The following ABHD17C variants were observed in gnomAD, a reference collection of about 807,000 sequenced individuals.
ABHD17C encodes the protein abhydrolase domain containing 17C, depalmitoylase, also known as alpha/beta hydrolase domain-containing protein 17C.
In ABHD17C, 11 loss-of-function variants were observed where a neutral mutation model predicts 27.9. That is an observed-to-expected ratio of 0.39 (90% confidence interval 0.25 to 0.65). The LOEUF (loss-of-function observed/expected upper bound fraction) is 0.65, where lower values mean the gene tolerates loss of function less well. Among genes scored for constraint, ABHD17C ranks in the 30% least tolerant of loss-of-function variants. The pLI, the probability that ABHD17C is intolerant of heterozygous loss-of-function variation, is 0.45. For missense variants in ABHD17C, 280 were observed against 470.2 expected (o/e 0.60, Z 3.74); for synonymous variants, 233 against 209.1 (o/e 1.11, Z -0.98).
At chr15:80,701,794 C>A (rs1328396392) in intron 1 of ABHD17C, among the ~76,000 whole-genome samples, 1 of 151,998 alleles carries the variant, frequency 6.6e-6, no homozygotes, top group Non-Finnish European at 1.5e-5. Context: ...AGTATGTGAA[C>A]AGGAAGAATG....
intron 1 of ABHD17C, among the ~76,000 whole-genome samples, chr15:80,730,405 C>T (rs1206050236): frequency 6.6e-6 from 1 of 152,148 alleles, no homozygotes; most frequent in African/African-American, 2.4e-5. Flanking sequence ...CACCAGGCTC[C>T]TTAGTGTGTA....
chr15:80,719,317 T>C (rs1020257009), intron 1 of ABHD17C, among the ~76,000 whole-genome samples: 1 of 152,214 alleles, frequency 6.6e-6, no homozygotes, highest in Non-Finnish European at 1.5e-5. Flanking sequence ...TTCCAGTGTT[T>C]TATAGTTATT....
chr15:80,712,984 G>A (rs1010338341), intron 1 of ABHD17C, among the ~76,000 whole-genome samples: 4 of 151,888 alleles, frequency 2.6e-5, no homozygotes, highest in Non-Finnish European at 4.4e-5. Context: ...ATTCCATGGC[G>A]GTCTCATCAC....
At chr15:80,709,844 T>G (rs1226737385) in intron 1 of ABHD17C, among the ~76,000 whole-genome samples, 6 of 152,184 alleles carry the variant, frequency 3.9e-5, no homozygotes, top group African/African-American at 1.4e-4. Context: ...CCTAATATCC[T>G]GTTGGATCTG....
At chr15:80,725,902 G>T (rs1894967171) in intron 1 of ABHD17C, among the ~76,000 whole-genome samples, 1 of 152,138 alleles carries the variant, frequency 6.6e-6, no homozygotes, top group South Asian at 2.1e-4. Context: ...TAACCCAGCG[G>T]CACTAGAGGA....
intron 2 of ABHD17C, among the ~76,000 whole-genome samples, chr15:80,750,688 C>T (rs765441368): frequency 1.1e-4 from 16 of 152,108 alleles, no homozygotes; most frequent in Non-Finnish European, 1.9e-4. Context: ...CAATGAGATT[C>T]GGCTTCATGG....
At chr15:80,709,965 A>C (rs1000034123) in intron 1 of ABHD17C, among the ~76,000 whole-genome samples, 5 of 152,156 alleles carry the variant, frequency 3.3e-5, no homozygotes, top group African/African-American at 1.2e-4. Flanking sequence ...CCCATGAAAA[A>C]CAGTAATCAT....
intron 1 of ABHD17C, among the ~76,000 whole-genome samples, chr15:80,711,681 G>T (rs1461444732): frequency 6.6e-6 from 1 of 152,208 alleles, no homozygotes; most frequent in African/African-American, 2.4e-5. Flanking sequence ...CCTCCTGCCT[G>T]TCTATTTTCC....
chr15:80,720,846 G>A (rs1426921527), intron 1 of ABHD17C, among the ~76,000 whole-genome samples: 4 of 151,950 alleles, frequency 2.6e-5, no homozygotes, highest in Admixed American at 1.3e-4. Context: ...ACTTGAACCC[G>A]GGAGGTGGAG....
At chr15:80,710,292 G>A (rs1271050944) in intron 1 of ABHD17C, among the ~76,000 whole-genome samples, 1 of 152,204 alleles carries the variant, frequency 6.6e-6, no homozygotes, top group Non-Finnish European at 1.5e-5. Flanking sequence ...AGTAGGAGAT[G>A]AGGACTGGGA....
intron 1 of ABHD17C, among the ~76,000 whole-genome samples, chr15:80,705,333 T>TTTGTGTGTGTGTGTG (rs10523879): frequency 5.1e-4 from 54 of 106,882 alleles, no homozygotes; most frequent in South Asian, 3.5e-3. Flanking sequence ...TTCCTATGAT[T>TTTGTGTGTGTGTGTG]TGTGTGTGTG....
chr15:80,710,379 G>A (rs1178651579), intron 1 of ABHD17C, among the ~76,000 whole-genome samples: 2 of 152,204 alleles, frequency 1.3e-5, no homozygotes, highest in African/African-American at 4.8e-5. Flanking sequence ...TTGACAGCAG[G>A]AAATGGGAGC....
rs1332972496 is a variant in ABHD17C, at chr15:80,695,911, G to A, written c.482G>A (p.Cys161Tyr). The change falls in exon 1 of 3, where the codon TGC (cysteine) becomes TAC (tyrosine). Residue 161 changes from cysteine (C) to tyrosine (Y), a missense_variant. Cys to Tyr is a radical substitution (Grantham distance 194). Coordinates refer to ENST00000258884, the MANE Select transcript of ABHD17C (RefSeq NM_021214.2). This position sits in a 1 kb window ranked among gnomAD's most constrained non-coding sequence, Gnocchi z 4.3. Reference protein sequence around the residue: ...FYIGLGSRINCNIFSYDYSGY... With the variant: ...FYIGLGSRINYNIFSYDYSGY... ...ATTGGCCTCGGCTCCCGCATCAACT[G>A]CAACATCTTCTCCTACGACTACTCG... The A allele has an allele frequency of 1.3e-6, 2 of 1,597,406 alleles. No individual in the cohort carries two copies. The highest frequency in any genetic ancestry group is 1.7e-6 in the Non-Finnish European group (2 of 1,179,308).
intron 1 of ABHD17C, among the ~76,000 whole-genome samples, chr15:80,698,183 G>A (rs370993114): frequency 1.7e-4 from 25 of 149,142 alleles, no homozygotes; most frequent in African/African-American, 5.4e-4. Context: ...TCCTACCTCA[G>A]CCTCCCGAGT....
At chr15:80,733,172 A>G (rs1467595212) in intron 1 of ABHD17C, among the ~76,000 whole-genome samples, 5 of 152,038 alleles carry the variant, frequency 3.3e-5, no homozygotes, top group Non-Finnish European at 1.5e-5. Context: ...TATGTCCTCT[A>G]CGAATCTCCA....
At chr15:80,727,684 G>A (rs148820504) in intron 1 of ABHD17C, among the ~76,000 whole-genome samples, 39 of 152,138 alleles carry the variant, frequency 2.6e-4, no homozygotes, top group South Asian at 6.3e-4. Flanking sequence ...GTCTGTGAGC[G>A]TTCCCAAGGT....
chr15:80,717,773 A>G (rs560622709), intron 1 of ABHD17C, among the ~76,000 whole-genome samples: 2 of 152,298 alleles, frequency 1.3e-5, no homozygotes, highest in South Asian at 4.1e-4. Flanking sequence ...CAAAAGTTGA[A>G]TTAGGATTGA....
intron 1 of ABHD17C, among the ~76,000 whole-genome samples, chr15:80,696,820 CA>C (rs1815574683): frequency 6.6e-6 from 1 of 152,148 alleles, no homozygotes; most frequent in African/African-American, 2.4e-5. Flanking sequence ...ACAAGCAAAC[CA>C]AAAACCTGAC....
chr15:80,701,692 A>AG (rs1491148433), intron 1 of ABHD17C, among the ~76,000 whole-genome samples: 1 of 149,576 alleles, frequency 6.7e-6, no homozygotes, highest in African/African-American at 2.4e-5. Flanking sequence ...AAAAAAAAAA[A>AG]CAAATGTTAT....
Sources: gnomAD v4.1 joint callset for allele counts (sites outside exome capture counted in the v4.1 genomes callset) on GRCh38, gnomAD v4.1.1 for gene constraint, Gnocchi (gnomAD v3.1) non-coding constraint, MANE v1.5 for transcripts, NCBI Gene and HGNC (gene_info 2026-07-23, HGNC 2026-07-21) for gene names.